The following TMEM62 variants were observed in gnomAD, a reference collection of about 807,000 sequenced individuals.
TMEM62 encodes transmembrane protein 62.
A neutral mutation model predicts 70.4 loss-of-function variants in TMEM62; 41 were observed. That is an observed-to-expected ratio of 0.58 (90% confidence interval 0.45 to 0.76). The LOEUF is 0.76. TMEM62 is among the 30% of genes least tolerant of loss of function. The probability of loss-of-function intolerance (pLI) is 0.00; values close to 1 mark genes in which losing one functional copy is unlikely to be tolerated. For synonymous variants in TMEM62, 268 were observed against 291.0 expected (o/e 0.92, Z 0.80); for missense variants, 688 against 788.5 (o/e 0.87, Z 1.53).
In TMEM62 at chr15:43,184,485, T is replaced by C. The variant is rs1369660283; in HGVS notation, c.1831T>C (p.Leu611=). 2 of 1,614,160 alleles carry C rather than the reference T, an allele frequency of 1.2e-6. No homozygotes were observed. Among genetic ancestry groups the C allele is most frequent in the East Asian group, 4.5e-5 (2 of 44,896 alleles). The change falls in exon 14 of 14, where the codon TTG becomes CTG. Residue 611 remains leucine, a synonymous_variant. Transcript: ENST00000260403. ...TTTATTCTCCCCTTTGCGGACCTGG[T>C]TGACACTGCTGACACCTGTTCTCAT... The part of the protein sequence containing the change: ...AFLFSPLRTW[L]TLLTPVLIRY...
intron 4 of TMEM62, among the ~76,000 whole-genome samples, chr15:43,143,593 A>G (rs2036323259): frequency 6.6e-6 from 1 of 152,220 alleles, no homozygotes; most frequent in South Asian, 2.1e-4. Context: ...CAGCCACACT[A>G]CTGAGGTCAC....
intron 12 of TMEM62, chr15:43,180,712 G>A (rs2041252197): frequency 2.0e-5 from 3 of 152,696 alleles, no homozygotes; most frequent in Admixed American, 2.0e-4. Flanking sequence ...TCAAGAAGAG[G>A]TTAAAATACA....
chr15:43,145,342 C>T (rs980925176), intron 4 of TMEM62, among the ~76,000 whole-genome samples: 1 of 150,944 alleles, frequency 6.6e-6, no homozygotes, highest in Admixed American at 6.6e-5. Context: ...GTAGCTGGGA[C>T]TACAGGCGCC....
At chr15:43,159,219 A>G (rs1317175987) in intron 9 of TMEM62, among the ~76,000 whole-genome samples, 1 of 152,200 alleles carries the variant, frequency 6.6e-6, no homozygotes, top group Non-Finnish European at 1.5e-5. Context: ...CACCCTCTCA[A>G]GCATTTGTCC....
chr15:43,162,576 C>T (rs528032747), intron 10 of TMEM62, among the ~76,000 whole-genome samples: 4 of 152,024 alleles, frequency 2.6e-5, no homozygotes, highest in South Asian at 4.1e-4. Flanking sequence ...GGATTACCGG[C>T]GCCCACCACC....
chr15:43,181,243 T>G lies in TMEM62; in HGVS notation c.1549T>G (p.Phe517Val), dbSNP rs942446042. 1 of 1,613,914 alleles carries G rather than the reference T, an allele frequency of 6.2e-7. No individual in the cohort carries two copies. Among genetic ancestry groups the G allele is most frequent in the African/African-American group, 1.3e-5 (1 of 74,938 alleles). The stretch of plus-strand genomic sequence containing the variant: ...TGGTTGCTGCTTTTCCTTTGGGATA[T>G]TTGTTAATGGACATTTCCTACAAGG... ...KFGCCFSFGIFVNGHFLQGSI... is the reference protein window; with the variant it reads ...KFGCCFSFGIVVNGHFLQGSI... The change falls in exon 13 of 14, where the codon TTT becomes GTT. Residue 517 changes from phenylalanine (F) to valine (V), a missense_variant. Transcript: ENST00000260403.
Position 43,133,965 on chromosome 15 carries a change from A to G in TMEM62, c.163A>G (p.Ile55Val). 2 of 1,458,240 alleles carry G rather than the reference A, an allele frequency of 1.4e-6. No individual in the cohort carries two copies. Among genetic ancestry groups the G allele is most frequent in the Non-Finnish European group, 1.8e-6 (2 of 1,113,540 alleles). The allele number at this position is 1,458,240 out of a possible 1,614,324, so 90.3% of individuals were successfully genotyped here. The change falls in exon 1 of 14, where the codon ATC becomes GTC. Residue 55 changes from isoleucine to valine, a missense_variant. By Grantham distance (29) the Ile-to-Val change is conservative (BLOSUM62 3). Coordinates refer to ENST00000260403, the MANE Select transcript of TMEM62 (RefSeq NM_024956.4). ...TGCGCCAGGGCCCGGAGACAGCAAC[A>G]TCTTCTGGGGCCTGCAGGTGACGCG... ...HPAPGPGDSN[I>V]FWGLQISDIH...
chr15:43,150,413 C>G (rs1039866057), intron 7 of TMEM62, among the ~76,000 whole-genome samples: 4 of 152,174 alleles, frequency 2.6e-5, no homozygotes, highest in Non-Finnish European at 5.9e-5. Flanking sequence ...CTTTCTCTCT[C>G]CACCAGTTTT....
intron 2 of TMEM62, among the ~76,000 whole-genome samples, chr15:43,135,178 A>G (rs2035036662): frequency 6.6e-6 from 1 of 152,258 alleles, no homozygotes; most frequent in Admixed American, 6.5e-5. Context: ...GCAGCCACTC[A>G]GAGTACTGGA....
chr15:43,142,659 G>T (rs1567182309), intron 4 of TMEM62, among the ~76,000 whole-genome samples: 1 of 149,960 alleles, frequency 6.7e-6, no homozygotes. Flanking sequence ...TAGCAGTAAG[G>T]TTTTTTTTTG....
intron 9 of TMEM62, among the ~76,000 whole-genome samples, chr15:43,156,749 T>C (rs1335800108): frequency 6.6e-6 from 1 of 152,204 alleles, no homozygotes; most frequent in Non-Finnish European, 1.5e-5. Context: ...TATCAAGGTA[T>C]AATTTATACA....
At chr15:43,136,550 T>A (rs8040960) in intron 3 of TMEM62, among the ~76,000 whole-genome samples, 3,740 of 152,152 alleles carry the variant, frequency 0.025, 173 homozygotes, top group African/African-American at 0.086. Context: ...GTTCAAGCGA[T>A]TCCCCTGCCT....
At chr15:43,158,850 A>G (rs938804562) in intron 9 of TMEM62, among the ~76,000 whole-genome samples, 1 of 152,190 alleles carries the variant, frequency 6.6e-6, no homozygotes, top group Non-Finnish European at 1.5e-5. Flanking sequence ...TACATTTAGT[A>G]GTATTATAAA....
chr15:43,146,248 G>A (rs1040131137), intron 4 of TMEM62: 9 of 371,576 alleles, frequency 2.4e-5, no homozygotes, highest in South Asian at 6.9e-5. Flanking sequence ...TAAAAGAGCC[G>A]TCTTACTTCT....
chr15:43,171,115 C>G (rs1268325621), intron 11 of TMEM62, among the ~76,000 whole-genome samples: 1 of 152,158 alleles, frequency 6.6e-6, no homozygotes, highest in Admixed American at 6.6e-5. Context: ...ACGGGCAGAT[C>G]ACCTGAGATC....
intron 4 of TMEM62, among the ~76,000 whole-genome samples, chr15:43,142,671 T>G (rs950622746): frequency 6.6e-6 from 1 of 151,694 alleles, no homozygotes; most frequent in African/African-American, 2.4e-5. Context: ...TTTTTTTTGT[T>G]TTTTTGGTTT....
intron 12 of TMEM62, among the ~76,000 whole-genome samples, chr15:43,179,484 G>A (rs1229181433): frequency 6.6e-6 from 1 of 152,160 alleles, no homozygotes; most frequent in African/African-American, 2.4e-5. Flanking sequence ...GACTCTAGTG[G>A]AGCTGGAGGT....
intron 11 of TMEM62, among the ~76,000 whole-genome samples, chr15:43,170,699 C>T (rs1253489611): frequency 6.6e-6 from 1 of 152,150 alleles, no homozygotes; most frequent in African/African-American, 2.4e-5. Flanking sequence ...GATTGCTCCT[C>T]CTTATGGGAA....
At chr15:43,181,067 T>C (rs1230932337) in intron 12 of TMEM62, 114 bp from the exon 13 acceptor site, 2 of 727,530 alleles carry the variant, frequency 2.7e-6, no homozygotes, top group Non-Finnish European at 4.9e-6. Context: ...ATAAAATGCT[T>C]ATAGATGGCT....
Sources: gnomAD v4.1 joint callset for allele counts (sites outside exome capture counted in the v4.1 genomes callset) on GRCh38, gnomAD v4.1.1 for gene constraint, MANE v1.5 for transcripts, NCBI Gene and HGNC (gene_info 2026-07-23, HGNC 2026-07-21) for gene names.